The following HPGDS variants were observed in gnomAD, a reference collection of about 807,000 sequenced individuals.
HPGDS encodes the protein GST class-sigma.
HPGDS carries 26 observed loss-of-function variants against 23.1 expected under a neutral mutation model. The observed-to-expected ratio is 1.13, with a 90% CI of 0.83 to 1.56. HPGDS has a LOEUF of 1.56. Among genes scored for constraint, HPGDS ranks in the 40% most tolerant of loss-of-function variants. The probability of loss-of-function intolerance (pLI) is 0.00; values close to 1 mark genes in which losing one functional copy is unlikely to be tolerated. For synonymous variants in HPGDS, 95 were observed against 77.9 expected (o/e 1.22, Z -1.16); for missense variants, 268 against 236.4 (o/e 1.13, Z -0.88).
At chr4:94,318,634 TATTGAG>T (rs1756443073) in intron 2 of HPGDS, among the ~76,000 whole-genome samples, 1 of 152,152 alleles carries the variant, frequency 6.6e-6, no homozygotes, top group African/African-American at 2.4e-5. Flanking sequence ...TAAAAAAATT[TATTGAG>T]ATGTGTTTTG....
At position 94,317,977 on chromosome 4, in the gene HPGDS, A is replaced by G; in HGVS notation, c.134-12T>C. On this transcript the variant is annotated splice_polypyrimidine_tract_variant and intron_variant, in intron 2 of 5. Coordinates refer to ENST00000295256, the MANE Select transcript of HPGDS (RefSeq NM_014485.3). ...TCCAAATGGGAGAGCTTAAAATGAA[A>G]TGAGCAAATAATTAACTTCATAACA... 4.0e-6 allele frequency: 6 copies of G among 1,493,528 alleles called. No homozygotes were observed. The highest frequency in any genetic ancestry group is 5.6e-6 in the Non-Finnish European group (6 of 1,073,144). 92.5% of individuals were successfully genotyped at this position (1,493,528 alleles called of 1,614,324 possible).
chr4:94,338,084 C>A (rs6532479), intron 1 of HPGDS, among the ~76,000 whole-genome samples: 83,958 of 151,980 alleles, frequency 0.55, 23,801 homozygotes, highest in Non-Finnish European at 0.62. Flanking sequence ...TCAGGAATAC[C>A]AGATGTTATA....
chr4:94,301,524 A>G (rs933100785), intron 5 of HPGDS, among the ~76,000 whole-genome samples: 6 of 152,206 alleles, frequency 3.9e-5, no homozygotes, highest in Non-Finnish European at 7.3e-5. Flanking sequence ...TAAAATACAT[A>G]TGAGTTTATA....
chr4:94,317,385 G>C (rs10030713), intron 3 of HPGDS, among the ~76,000 whole-genome samples: 97,888 of 152,010 alleles, frequency 0.64, 32,468 homozygotes, highest in African/African-American at 0.77. Context: ...CGGAAGCCAA[G>C]TATCCCCTTC....
At chr4:94,328,182 C>T (rs2126044077) in intron 2 of HPGDS, among the ~76,000 whole-genome samples, 2 of 152,376 alleles carry the variant, frequency 1.3e-5, no homozygotes, top group South Asian at 4.1e-4. Context: ...CTGATTCCAG[C>T]CACATCAGCT....
chr4:94,315,483 G>A (rs917894691), intron 3 of HPGDS, among the ~76,000 whole-genome samples: 1 of 152,172 alleles, frequency 6.6e-6, no homozygotes, highest in Admixed American at 6.5e-5. Context: ...AAATAATAGA[G>A]GGTTTTTTTT....
rs1755979574 is a variant in HPGDS, at chr4:94,299,044, A to G, written c.*436T>C. 6.4e-6 allele frequency: 1 copy of G among 155,102 alleles called. No homozygotes were observed. Among genetic ancestry groups the G allele is most frequent in the Non-Finnish European group, 1.4e-5 (1 of 69,906 alleles). The allele number at this position is 155,102 out of a possible 1,614,324, so 9.6% of individuals were successfully genotyped here. ...CAGTCTTTGATAGAAGTGACTGGTC[A>G]TTGGTCATGATGTACATAGGTTATT... On this transcript the variant is annotated 3_prime_UTR_variant, in exon 6 of 6. Transcript: ENST00000295256.
chr4:94,302,154 C>A lies in HPGDS; in HGVS notation c.427G>T (p.Gly143Cys). 6.2e-7 allele frequency: 1 copy of A among 1,602,470 alleles called. No individual in the cohort carries two copies. The highest frequency in any genetic ancestry group is 8.5e-7 in the Non-Finnish European group (1 of 1,170,122). The part of the protein sequence containing the change: ...TYLGGREWLI[G>C]NSVTWADFYW... ...ATATAAAACATACTCACAGAGTTAC[C>A]AATAAGCCATTCTCTCCCCCCTAAA... Residue 143 changes from glycine to cysteine, a missense_variant, in exon 5 of 6, where the codon GGT becomes TGT. By Grantham distance (159) the Gly-to-Cys change is radical. Transcript: ENST00000295256.
intron 4 of HPGDS, among the ~76,000 whole-genome samples, chr4:94,305,977 TAAA>T (rs1300671678): frequency 1.3e-5 from 2 of 152,016 alleles, no homozygotes; most frequent in African/African-American, 4.8e-5. Context: ...AGCATGACAA[TAAA>T]AAGCACTTAT....
At chr4:94,340,938 G>A (rs1316279758) in intron 1 of HPGDS, among the ~76,000 whole-genome samples, 1 of 143,498 alleles carries the variant, frequency 7.0e-6, no homozygotes, top group Non-Finnish European at 1.5e-5. Context: ...TCCGCCTCCC[G>A]GGTTCAAGCG....
intron 1 of HPGDS, among the ~76,000 whole-genome samples, 194 bp from the exon 2 acceptor site, chr4:94,334,832 T>C (rs1720962270): frequency 6.6e-6 from 1 of 152,148 alleles, no homozygotes; most frequent in Non-Finnish European, 1.5e-5. Flanking sequence ...AGATCATGAC[T>C]CTCTCTTGGC....
At chr4:94,315,299 A>G (rs949646049) in intron 3 of HPGDS, among the ~76,000 whole-genome samples, 21 of 152,160 alleles carry the variant, frequency 1.4e-4, no homozygotes, top group Admixed American at 5.2e-4. Flanking sequence ...CCCACAATTT[A>G]TTTAACTAGC....
intron 3 of HPGDS, among the ~76,000 whole-genome samples, chr4:94,309,953 T>A (rs1256797280): frequency 6.6e-6 from 1 of 152,166 alleles, no homozygotes; most frequent in Non-Finnish European, 1.5e-5. Context: ...TGTTCATATC[T>A]TTCGCCCACT....
At position 94,299,527 on chromosome 4, in the gene HPGDS, G is replaced by T. The variant is rs200485893; in HGVS notation, c.553C>A (p.Pro185Thr). ...VTLRKKVQAIPAVANWIKRRP... is the reference protein window; with the variant it reads ...VTLRKKVQAITAVANWIKRRP... ...CGTTTTATCCAGTTAGCGACGGCAG[G>T]AATGGCTTGGACTTTCTTCCGTAAA... Residue 185 changes from proline to threonine, a missense_variant, in exon 6 of 6, where the codon CCT becomes ACT. By Grantham distance (38) the Pro-to-Thr change is conservative. Transcript: ENST00000295256. 2 of 1,613,774 alleles carry T rather than the reference G, an allele frequency of 1.2e-6. No homozygotes were observed. Among genetic ancestry groups the T allele is most frequent in the Non-Finnish European group, 1.7e-6 (2 of 1,179,918 alleles).
intron 3 of HPGDS, among the ~76,000 whole-genome samples, chr4:94,314,967 C>T (rs1235049222): frequency 6.6e-6 from 1 of 152,190 alleles, no homozygotes; most frequent in East Asian, 1.9e-4. Flanking sequence ...CCTGGTGTGC[C>T]GTTTGCTAAG....
intron 2 of HPGDS, among the ~76,000 whole-genome samples, chr4:94,327,051 G>A (rs189176037): frequency 6.6e-6 from 1 of 152,182 alleles, no homozygotes; most frequent in African/African-American, 2.4e-5. Flanking sequence ...CTTTGCTGGG[G>A]AGGGGGATGC....
At chr4:94,312,775 CT>C (rs200748227) in intron 3 of HPGDS, among the ~76,000 whole-genome samples, 1,626 of 152,272 alleles carry the variant, frequency 0.011, 23 homozygotes, top group African/African-American at 0.036. Context: ...GAATCTCAGT[CT>C]CTTTGTAGGT....
rs372672423 is a variant in HPGDS at position 94,311,685 on chromosome 4, A to G, written c.227-2942T>C. Among the ~76,000 whole-genome samples the G allele has an allele frequency of 2.6e-5, 4 of 151,222 alleles. 1 individual carries two copies. The highest frequency in any genetic ancestry group is 9.8e-5 in the African/African-American group (4 of 40,714). Reference sequence around the variant, plus strand: ...GTTAGGGAGGATTCCCTCTTTTTCTATTGATTGGAATAGTTTCAGAAGGAA... The same window carrying G: ...GTTAGGGAGGATTCCCTCTTTTTCTGTTGATTGGAATAGTTTCAGAAGGAA... On this transcript the variant is annotated intron_variant, in intron 3 of 5. Transcript: ENST00000295256.
intron 2 of HPGDS, among the ~76,000 whole-genome samples, chr4:94,333,266 CA>C (rs1214971446): frequency 2.0e-5 from 3 of 152,186 alleles, no homozygotes; most frequent in African/African-American, 7.2e-5. Context: ...TTTACCTGTG[CA>C]AATGATTATC....
Sources: allele counts gnomAD v4.1 joint callset (sites outside exome capture counted in the v4.1 genomes callset), GRCh38; gene constraint gnomAD v4.1.1; transcripts MANE v1.5; gene names NCBI Gene and HGNC (gene_info 2026-07-23, HGNC 2026-07-21).